CFTR: variants seen among roughly 807,000 people sequenced by gnomAD.
CFTR encodes cystic fibrosis transmembrane conductance regulator.
A neutral mutation model predicts 171.6 loss-of-function variants in CFTR; 181 were observed. That is an observed-to-expected ratio of 1.05 (90% CI 0.93 to 1.19). The LOEUF (loss-of-function observed/expected upper bound fraction) is 1.19. Ranked by LOEUF, CFTR falls within the 50% of genes most tolerant of loss-of-function variation. CFTR has a pLI of 0.00. For missense variants in CFTR, 1,968 were observed against 1,734.7 expected, an observed-to-expected ratio of 1.13 and a Z score of -2.39; for synonymous variants, 583 against 608.0, an observed-to-expected ratio of 0.96 and a Z score of 0.60.
rs140455771 is a variant in CFTR, at chr7:117,592,416, C to T, written c.2249C>T (p.Pro750Leu). The stretch of plus-strand genomic sequence containing the variant: ...TCTGAGCAGGGAGAGGCGATACTGC[C>T]TCGCATCAGCGTGATCAGCACTGGC... Reference protein sequence around the residue: ...PDSEQGEAILPRISVISTGPT... With the variant: ...PDSEQGEAILLRISVISTGPT... The change falls in exon 14 of 27, where the codon CCT becomes CTT. Residue 750 changes from proline (P) to leucine (L), a missense_variant. By Grantham distance (98) the Pro-to-Leu change is moderately conservative. Coordinates refer to ENST00000003084, the MANE Select transcript of CFTR (RefSeq NM_000492.4). 6.0e-4 allele frequency: 974 copies of T among 1,613,060 alleles called. 1 individual carries two copies. The highest frequency in any genetic ancestry group is 7.8e-4 in the Non-Finnish European group (921 of 1,179,466).
At chr7:117,634,117 G>A (rs1302940955) in intron 22 of CFTR, among the ~76,000 whole-genome samples, 1 of 152,008 alleles carries the variant, frequency 6.6e-6, no homozygotes, top group Non-Finnish European at 1.5e-5. Context: ...GAACCCATCT[G>A]GACCTGGTGC....
At chr7:117,647,540 T>C (rs1428215726) in intron 23 of CFTR, 5 of 151,904 alleles carry the variant, frequency 3.3e-5, no homozygotes, top group African/African-American at 1.2e-4. Flanking sequence ...GCCAAGAGGA[T>C]GGTGCTATAC....
intron 23 of CFTR, among the ~76,000 whole-genome samples, chr7:117,646,321 A>G (rs1244395162): frequency 1.3e-5 from 2 of 152,190 alleles, no homozygotes; most frequent in African/African-American, 4.8e-5. Context: ...GGTATATACC[A>G]TAGAAGTGAA....
chr7:117,583,824 A>T (rs1791889422), intron 11 of CFTR, among the ~76,000 whole-genome samples: 2 of 152,096 alleles, frequency 1.3e-5, no homozygotes, highest in African/African-American at 4.8e-5. Context: ...CAGCACATCC[A>T]TGCCAACATC....
chr7:117,496,156 AT>A (rs148934096), intron 1 of CFTR, among the ~76,000 whole-genome samples: 1 of 151,504 alleles, frequency 6.6e-6, no homozygotes, highest in Non-Finnish European at 1.5e-5. Context: ...TTCACTTAGC[AT>A]TTTTTTTCAA....
chr7:117,657,475 TACAA>T (rs1793201195), intron 24 of CFTR, among the ~76,000 whole-genome samples: 1 of 152,162 alleles, frequency 6.6e-6, no homozygotes, highest in Admixed American at 6.6e-5. Flanking sequence ...GCTAGCAGCA[TACAA>T]ACAAACAAGC....
At chr7:117,664,959 C>T (rs554926739) in intron 25 of CFTR, 99 bp downstream of exon 25, 71 of 1,258,180 alleles carry the variant, frequency 5.6e-5, no homozygotes, top group South Asian at 4.1e-4. Context: ...GTCATGTCTG[C>T]GTGTGGGGGT....
At position 117,536,412 on chromosome 7, in the gene CFTR, C is replaced by A. The variant is rs992483290; in HGVS notation, c.744-136C>A. 7 of 879,080 alleles carry A rather than the reference C, an allele frequency of 8.0e-6. No individual in the cohort carries two copies. The African/African-American group carries it at 1.0e-4, about 13-fold the overall frequency. 54.5% of individuals were successfully genotyped at this position (879,080 alleles called of 1,614,324 possible). Reference sequence around the variant, plus strand: ...AAACAGTAGTTATTATTTTTGTTACCATCTATTTGATAATAAAATAATGCC... The same window carrying A: ...AAACAGTAGTTATTATTTTTGTTACAATCTATTTGATAATAAAATAATGCC... On this transcript the variant is annotated intron_variant, in intron 6 of 26. Coordinates refer to ENST00000003084, the MANE Select transcript of CFTR (RefSeq NM_000492.4).
rs200531709 is a variant in CFTR at position 117,592,335 on chromosome 7, G to T, written c.2168G>T (p.Gly723Val). 2.8e-5 allele frequency: 46 copies of T among 1,614,100 alleles called. No individual in the cohort carries two copies. The highest frequency in any genetic ancestry group is 3.9e-5 in the Non-Finnish European group (46 of 1,179,994). The change falls in exon 14 of 27, where the codon GGC becomes GTC. Residue 723 changes from glycine (G) to valine (V), a missense_variant. By Grantham distance (109) the Gly-to-Val change is moderately radical. Transcript: ENST00000003084. ...IVQKTPLQMN[G>V]IEEDSDEPLE... ...CAAAAGACTCCCTTACAAATGAATG[G>T]CATCGAAGAGGATTCTGATGAGCCT...
intron 22 of CFTR, among the ~76,000 whole-genome samples, chr7:117,628,510 A>C (rs1792690721): frequency 6.6e-6 from 1 of 152,138 alleles, no homozygotes; most frequent in Admixed American, 6.6e-5. Flanking sequence ...TTTTAGATAA[A>C]ATAAAAGGGA....
intron 11 of CFTR, among the ~76,000 whole-genome samples, chr7:117,583,091 T>A (rs746215702): frequency 7.2e-5 from 11 of 152,220 alleles, no homozygotes; most frequent in Non-Finnish European, 1.3e-4. Context: ...AGCCTCTTAA[T>A]TATTGTCTTA....
intron 1 of CFTR, among the ~76,000 whole-genome samples, chr7:117,495,573 T>C (rs1798224103): frequency 6.6e-6 from 1 of 152,160 alleles, no homozygotes; most frequent in Admixed American, 6.6e-5. Flanking sequence ...CATAAATTCA[T>C]AGTTGTCCCA....
chr7:117,542,088 G>C lies in CFTR; in HGVS notation c.1189G>C (p.Val397Leu), dbSNP rs1225700054. 6.3e-7 allele frequency: 1 copy of C among 1,593,774 alleles called. No homozygotes were observed. Among genetic ancestry groups the C allele is most frequent in the Non-Finnish European group, 8.6e-7 (1 of 1,161,598 alleles). ...GACTACAGAAGTAGTGATGGAGAAT[G>C]TAACAGCCTTCTGGGAGGAGGTCAG... ...LTTTEVVMEN[V>L]TAFWEEGFGE... Residue 397 changes from valine (V) to leucine (L), a missense_variant, in exon 9 of 27, where the codon GTA becomes CTA. By Grantham distance (32) the Val-to-Leu change is conservative. Coordinates refer to ENST00000003084, the MANE Select transcript of CFTR (RefSeq NM_000492.4).
intron 10 of CFTR, among the ~76,000 whole-genome samples, chr7:117,556,551 G>A (rs1382755039): frequency 6.1e-5 from 6 of 98,540 alleles, no homozygotes; most frequent in African/African-American, 2.5e-4. Flanking sequence ...ACGGAGTCTC[G>A]CTCTGTCGCC....
intron 17 of CFTR, among the ~76,000 whole-genome samples, chr7:117,605,203 C>T (rs1308075504): frequency 6.6e-6 from 1 of 152,102 alleles, no homozygotes; most frequent in Non-Finnish European, 1.5e-5. Flanking sequence ...TGGTTCCAAA[C>T]CATTTGAAAT....
intron 8 of CFTR, 85 bp downstream of exon 8, chr7:117,540,431 C>A (rs549092324): frequency 1.1e-5 from 14 of 1,306,058 alleles, no homozygotes; most frequent in Admixed American, 4.4e-5. Flanking sequence ...CAAAAATGTG[C>A]GAAAAGATAG....
At chr7:117,507,685 G>A (rs1268085220) in intron 2 of CFTR, among the ~76,000 whole-genome samples, 20 of 152,318 alleles carry the variant, frequency 1.3e-4, no homozygotes, top group Admixed American at 5.9e-4. Context: ...CTTTATAGAA[G>A]GGCTCTCATT....
chr7:117,656,483 T>A (rs992982330), intron 24 of CFTR, among the ~76,000 whole-genome samples: 1 of 152,116 alleles, frequency 6.6e-6, no homozygotes, highest in African/African-American at 2.4e-5. Context: ...TTAACTAAAA[T>A]GGAATAAAAT....
At chr7:117,617,609 A>C (rs1441248377) in intron 21 of CFTR, among the ~76,000 whole-genome samples, 1 of 151,942 alleles carries the variant, frequency 6.6e-6, no homozygotes, top group Non-Finnish European at 1.5e-5. Context: ...AATTGATGCA[A>C]CCAGGAAGAA....
Sources: gnomAD v4.1 joint callset for allele counts (sites outside exome capture counted in the v4.1 genomes callset) on GRCh38, gnomAD v4.1.1 for gene constraint, MANE v1.5 for transcripts, NCBI Gene and HGNC (gene_info 2026-07-23, HGNC 2026-07-21) for gene names.